Variants in PRKCH observed in about 807,000 individuals in gnomAD.
PRKCH encodes the protein protein kinase C eta type.
A neutral mutation model predicts 82.5 loss-of-function variants in PRKCH; 28 were observed. The ratio of observed to expected loss-of-function variants is 0.34; its 90% CI spans 0.25 to 0.47. The LOEUF (loss-of-function observed/expected upper bound fraction) is 0.47, where lower values mean the gene tolerates loss of function less well. PRKCH is among the 20% of genes least tolerant of loss of function. PRKCH has a pLI of 1.00. For missense variants in PRKCH, 705 were observed against 881.8 expected (o/e 0.80, Z 2.54); for synonymous variants, 322 against 327.4 (o/e 0.98, Z 0.18).
chr14:61,538,436 A>G (rs138218854), intron 12 of PRKCH, among the ~76,000 whole-genome samples: 1 of 152,362 alleles, frequency 6.6e-6, no homozygotes, highest in Non-Finnish European at 1.5e-5. Flanking sequence ...GGTCTTTTTA[A>G]GTCATATAAT....
At chr14:61,538,648 A>T (rs1656101223) in intron 12 of PRKCH, among the ~76,000 whole-genome samples, 1 of 152,222 alleles carries the variant, frequency 6.6e-6, no homozygotes, top group African/African-American at 2.4e-5. Flanking sequence ...ATGACCACGG[A>T]AACTTTTCCT....
intron 1 of PRKCH, among the ~76,000 whole-genome samples, chr14:61,302,343 C>T (rs73310586): frequency 0.069 from 10,488 of 152,274 alleles, 647 homozygotes; most frequent in East Asian, 0.16. Context: ...GCAGGACTTA[C>T]ATGCCTTTCT....
At chr14:61,260,151 T>G (rs547093447) in intron 1 of PRKCH, among the ~76,000 whole-genome samples, 1 of 152,246 alleles carries the variant, frequency 6.6e-6, no homozygotes, top group African/African-American at 2.4e-5. Flanking sequence ...ATATTAAGGT[T>G]CTAGCTTTAC....
intron 1 of PRKCH, among the ~76,000 whole-genome samples, chr14:61,390,266 G>A (rs2140199958): frequency 6.6e-6 from 1 of 152,336 alleles, no homozygotes; most frequent in East Asian, 1.9e-4. Context: ...TGGACTATAT[G>A]CAGAGGACGA....
chr14:61,508,684 G>A lies in PRKCH; in HGVS notation c.1434-20391G>A, dbSNP rs184029511. Among the ~76,000 whole-genome samples, 126 of 152,180 alleles carry A rather than the reference G, an allele frequency of 8.3e-4. 1 individual carries two copies. The highest frequency in any genetic ancestry group is 3.0e-3 in the African/African-American group (123 of 41,468). On this transcript the variant is annotated intron_variant, in intron 10 of 13. Transcript: ENST00000332981. The stretch of plus-strand genomic sequence containing the variant: ...CTGGTCATTTCTTTCCCAGAAATTG[G>A]GGGATCTGGTCTCAGATAAGAGGAG...
chr14:61,215,111 G>C (rs536387810), intron 1 of PRKCH, among the ~76,000 whole-genome samples: 1 of 152,154 alleles, frequency 6.6e-6, no homozygotes, highest in East Asian at 1.9e-4. Context: ...GTTAGATGCC[G>C]TGATGGTTCA....
chr14:61,471,270 T>C (rs1214793765), intron 9 of PRKCH, among the ~76,000 whole-genome samples: 1 of 151,968 alleles, frequency 6.6e-6, no homozygotes, highest in Non-Finnish European at 1.5e-5. Context: ...TAAAGAGGAG[T>C]GGCCAGGGTT....
At chr14:61,464,856 A>G (rs1014262555) in intron 9 of PRKCH, among the ~76,000 whole-genome samples, 1 of 152,204 alleles carries the variant, frequency 6.6e-6, no homozygotes, top group African/African-American at 2.4e-5. Flanking sequence ...ATACATGTGC[A>G]TGTGTCTTTA....
intron 12 of PRKCH, among the ~76,000 whole-genome samples, chr14:61,535,185 G>A (rs2043090661): frequency 2.0e-5 from 3 of 152,106 alleles, no homozygotes. Context: ...TGCATAGCAG[G>A]CATGGGTTCT....
chr14:61,304,183 G>A (rs1185551530), intron 1 of PRKCH: 1 of 122,380 alleles, frequency 8.2e-6, no homozygotes, highest in African/African-American at 3.0e-5. Flanking sequence ...TTCTCCAAAA[G>A]CATTGCTTAA....
At chr14:61,479,063 T>C (rs1885852816) in intron 9 of PRKCH, among the ~76,000 whole-genome samples, 1 of 152,130 alleles carries the variant, frequency 6.6e-6, no homozygotes, top group Non-Finnish European at 1.5e-5. Flanking sequence ...CAGAAAGACA[T>C]GAGGAACCCT....
chr14:61,391,342 C>A, intron 2 of PRKCH, 54 bp downstream of exon 2: 4 of 1,396,030 alleles, frequency 2.9e-6, no homozygotes, highest in East Asian at 2.4e-5. Flanking sequence ...GGTTTACACT[C>A]AGTAGGAATT....
rs143462545 is a variant in PRKCH, at chr14:61,358,416, A to G, written c.364-32809A>G. Among the ~76,000 whole-genome samples, 44 of 152,176 alleles carry G rather than the reference A, an allele frequency of 2.9e-4. No individual in the cohort carries two copies. In the East Asian group the frequency reaches 6.8e-3, roughly 23 times the overall value. ...CCTGTTTTCTTTAGCTTCCATACATAGCCAGTTACCCAGTGTGGCTGATTT... is the reference window on the plus strand; with the variant it reads ...CCTGTTTTCTTTAGCTTCCATACATGGCCAGTTACCCAGTGTGGCTGATTT... On this transcript the variant is annotated intron_variant, in intron 1 of 13. Transcript: ENST00000332981.
In PRKCH at chr14:61,333,057, C is replaced by T. The variant is rs3783815; in HGVS notation, c.363+10593C>T. On this transcript the variant is annotated intron_variant, in intron 1 of 13. Coordinates refer to ENST00000332981, the MANE Select transcript of PRKCH (RefSeq NM_006255.5). ...CTCTGAAATTATTTTGGGAAGCGCA[C>T]CCAAAAGTCATACGTGTATTAGCCT... 8.7e-4 allele frequency among the ~76,000 whole-genome samples: 133 copies of T among 152,260 alleles called. No homozygotes were observed. The East Asian group carries it at 0.023, about 26-fold the overall frequency.
intron 12 of PRKCH, among the ~76,000 whole-genome samples, chr14:61,541,906 A>C (rs2043191336): frequency 6.6e-6 from 1 of 152,188 alleles, no homozygotes; most frequent in Admixed American, 6.5e-5. Context: ...CTGACACCAG[A>C]TTTGCAAAGA....
At chr14:61,206,266 G>A (rs961674330) in intron 1 of PRKCH, among the ~76,000 whole-genome samples, 3 of 152,138 alleles carry the variant, frequency 2.0e-5, no homozygotes, top group South Asian at 2.1e-4. Context: ...GGTGTCATCC[G>A]GGCTGCAGTT....
intron 9 of PRKCH, among the ~76,000 whole-genome samples, chr14:61,466,980 C>T (rs1885290362): frequency 6.6e-6 from 1 of 152,196 alleles, no homozygotes. Flanking sequence ...TACATGCTGG[C>T]ACAAAATGAT....
intron 2 of PRKCH, among the ~76,000 whole-genome samples, chr14:61,409,971 G>C (rs1882183176): frequency 6.6e-6 from 1 of 152,138 alleles, no homozygotes. Context: ...TCAACTTGGA[G>C]TGACTGTGGT....
chr14:61,326,924 A>G, intron 1 of PRKCH: 1 of 314,296 alleles, frequency 3.2e-6, no homozygotes, highest in Non-Finnish European at 6.6e-6. Context: ...TTTAAACTCT[A>G]TTTTCTTCTT....
Sources: gnomAD v4.1 joint callset for allele counts (sites outside exome capture counted in the v4.1 genomes callset) on GRCh38, gnomAD v4.1.1 for gene constraint, MANE v1.5 for transcripts, NCBI Gene and HGNC (gene_info 2026-07-23, HGNC 2026-07-21) for gene names.